The following PRMT7 variants were observed in gnomAD, a reference collection of about 807,000 sequenced individuals.
PRMT7 encodes the protein protein arginine methyltransferase 7, also known as protein arginine N-methyltransferase 7.
In PRMT7, 75 loss-of-function variants were observed where a neutral mutation model predicts 85.4. The observed-to-expected ratio is 0.88, with a 90% CI of 0.73 to 1.06. PRMT7 has a LOEUF of 1.06. Ranked by LOEUF, PRMT7 falls within the 50% of genes least tolerant of loss-of-function variation. PRMT7 has a pLI of 0.00. For synonymous variants in PRMT7, 397 were observed against 359.5 expected, an observed-to-expected ratio of 1.10 and a Z score of -1.18; for missense variants, 868 against 915.2, an observed-to-expected ratio of 0.95 and a Z score of 0.67.
intron 3 of PRMT7, among the ~76,000 whole-genome samples, chr16:68,319,741 T>TGTGTGTGTGTGTG (rs6145875): frequency 2.1e-4 from 32 of 151,080 alleles, no homozygotes; most frequent in South Asian, 4.2e-4. Context: ...TGTGTGTGTG[T>TGTGTGTGTGTGTG]TCTGGGACTC....
In PRMT7 at chr16:68,349,278, G is replaced by A. The variant is rs960863313; in HGVS notation, c.1413+847G>A. Among the ~76,000 whole-genome samples the A allele has an allele frequency of 5.3e-5, 8 of 151,918 alleles. No homozygotes were observed. The South Asian group carries it at 1.0e-3, about 20-fold the overall frequency. Reference sequence around the variant, plus strand: ...CCGTGGCACTCTCCCCGTGTCCCCCGCTTCCCCTACTGCATCCTCTCTGGT... The same window carrying A: ...CCGTGGCACTCTCCCCGTGTCCCCCACTTCCCCTACTGCATCCTCTCTGGT... On this transcript the variant is annotated intron_variant, in intron 14 of 18. Coordinates refer to ENST00000441236, the MANE Select transcript of PRMT7 (RefSeq NM_019023.5).
intron 4 of PRMT7, chr16:68,322,364 A>T (rs2082596186): frequency 2.2e-6 from 1 of 446,314 alleles, no homozygotes; most frequent in Non-Finnish European, 4.5e-6. Context: ...TGCCTGGCTA[A>T]TTTTTGTATG....
In PRMT7 at chr16:68,352,286, C is replaced by A; in HGVS notation, c.1452C>A (p.Ser484Arg). ...LLLGEPFFTTSLLPWHNLYFW... is the reference protein window; with the variant it reads ...LLLGEPFFTTRLLPWHNLYFW... ...TGGGCGAGCCGTTCTTCACTACCAG[C>A]CTGCTGCCGTGGCACAACCTCTACT... The change falls in exon 15 of 19, where the codon AGC becomes AGA. Residue 484 changes from serine (S) to arginine (R), a missense_variant. By Grantham distance (110) the Ser-to-Arg change is moderately radical. Coordinates refer to ENST00000441236, the MANE Select transcript of PRMT7 (RefSeq NM_019023.5). The A allele has an allele frequency of 6.2e-7, 1 of 1,613,766 alleles. No individual in the cohort carries two copies. The highest frequency in any genetic ancestry group is 8.5e-7 in the Non-Finnish European group (1 of 1,180,032).
intron 3 of PRMT7, chr16:68,316,846 C>G (rs549661583): frequency 6.6e-6 from 1 of 152,226 alleles, no homozygotes; most frequent in African/African-American, 2.4e-5. Context: ...GCTGTGGATA[C>G]CAGATGAAGA....
rs145524261 is a variant in PRMT7, at chr16:68,345,697, G to A, written c.950G>A (p.Cys317Tyr). 6 of 1,613,172 alleles carry A rather than the reference G, an allele frequency of 3.7e-6. No individual in the cohort carries two copies. Among genetic ancestry groups the A allele is most frequent in the African/African-American group, 1.3e-5 (1 of 74,944 alleles). Residue 317 changes from cysteine to tyrosine, a missense_variant, in exon 10 of 19, where the codon TGT becomes TAT. Cys to Tyr is a radical substitution (Grantham distance 194, BLOSUM62 -2). Coordinates refer to ENST00000441236, the MANE Select transcript of PRMT7 (RefSeq NM_019023.5). ...CAGTGGCGGGACCACTGGATGCAGT[G>A]TGTGTACTTCCTGCCACAAGAGGAG... ...EMQWRDHWMQ[C>Y]VYFLPQEEPV...
intron 4 of PRMT7, 39 bp from the exon 5 acceptor site, chr16:68,324,644 A>G (rs375615702): frequency 2.5e-5 from 40 of 1,609,530 alleles, no homozygotes; most frequent in Admixed American, 5.0e-5. Flanking sequence ...CCACTTACTT[A>G]TAATAACTGG....
At position 68,350,671 on chromosome 16, in the gene PRMT7, CATCACCACATCAGT is replaced by C. The variant is rs548854374; in HGVS notation, c.1414-1576_1414-1563del. 3.3e-4 allele frequency among the ~76,000 whole-genome samples: 51 copies of C among 152,306 alleles called. No individual in the cohort carries two copies. In the East Asian group the frequency reaches 9.6e-3, roughly 29 times the overall value. On this transcript the variant is annotated intron_variant, in intron 14 of 18. Coordinates refer to ENST00000441236, the MANE Select transcript of PRMT7 (RefSeq NM_019023.5). ...TTGTATATTCATAAGGTTGTGTAAC[CATCACCACATCAGT>C]TTAAGAACCCTTTCATTACCCATTG...
chr16:68,321,521 A>G (rs1417097080), intron 4 of PRMT7, 59 bp downstream of exon 4: 26 of 1,475,092 alleles, frequency 1.8e-5, no homozygotes, highest in Non-Finnish European at 2.4e-5. Flanking sequence ...TTGGATTACA[A>G]GAAGGTTAAG....
In PRMT7 at chr16:68,339,402, G is replaced by A. The variant is rs970427583; in HGVS notation, c.585G>A (p.Lys195=). Residue 195 remains lysine (K), a synonymous_variant, in exon 8 of 19, where the codon AAG becomes AAA. Transcript: ENST00000441236. ...VESGRMWSWN[K]LFPIHVQTSL... The stretch of plus-strand genomic sequence containing the variant: ...CCGGGAGGATGTGGTCGTGGAACAA[G>A]CTATTTCCCATCCACGTGCAGACCA... 2.5e-6 allele frequency: 4 copies of A among 1,614,102 alleles called. No homozygotes were observed. The African/African-American group carries it at 4.0e-5, about 16-fold the overall frequency.
Position 68,339,927 on chromosome 16 carries a change from A to C in PRMT7, c.886A>C (p.Met296Leu), listed in dbSNP as rs775458881. ...CCCTGAGGGGAAGATCAAGTGCACC[A>C]TGGCCCCCTTCTGGGCACACTCAGA... Reference protein sequence around the residue: ...MDPEGKIKCTMAPFWAHSDPE... With the variant: ...MDPEGKIKCTLAPFWAHSDPE... Residue 296 changes from methionine to leucine, a missense_variant, in exon 9 of 19, where the codon ATG (methionine) becomes CTG (leucine). Physicochemically the swap from Met to Leu is conservative, Grantham distance 15. Coordinates refer to ENST00000441236, the MANE Select transcript of PRMT7 (RefSeq NM_019023.5). 10 of 1,614,138 alleles carry C rather than the reference A, an allele frequency of 6.2e-6. No individual in the cohort carries two copies. The highest frequency in any genetic ancestry group is 8.5e-6 in the Non-Finnish European group (10 of 1,180,008).
At chr16:68,321,325 G>A in intron 3 of PRMT7, 101 bp from the exon 4 acceptor site, 1 of 868,496 alleles carries the variant, frequency 1.2e-6, no homozygotes, top group South Asian at 1.9e-5. Flanking sequence ...TAAAATAGAT[G>A]ACACGTTTGT....
intron 4 of PRMT7, 79 bp downstream of exon 4, chr16:68,321,541 G>A: frequency 7.3e-7 from 1 of 1,365,578 alleles, no homozygotes; most frequent in African/African-American, 1.5e-5. Flanking sequence ...GAATCCCTGG[G>A]GGTCATGATG....
At chr16:68,351,323 C>T (rs1196330790) in intron 14 of PRMT7, 2 of 152,260 alleles carry the variant, frequency 1.3e-5, no homozygotes, top group African/African-American at 4.8e-5. Context: ...CCACTCCTTC[C>T]ACTCCTCCCA....
chr16:68,324,463 TAGA>T, intron 4 of PRMT7: 1 of 581,076 alleles, frequency 1.7e-6, no homozygotes, highest in Non-Finnish European at 3.1e-6. Flanking sequence ...TAGTAGAGGA[TAGA>T]AGAGTGAGTG....
chr16:68,332,850 CCTT>C (rs1382051043), intron 6 of PRMT7, among the ~76,000 whole-genome samples: 7 of 152,146 alleles, frequency 4.6e-5, no homozygotes, highest in Non-Finnish European at 2.9e-5. Context: ...GGTTTGTTTC[CCTT>C]CTTAGGGAGC....
chr16:68,318,285 C>T (rs1018703163), intron 3 of PRMT7, among the ~76,000 whole-genome samples: 15 of 150,968 alleles, frequency 9.9e-5, no homozygotes, highest in Non-Finnish European at 1.5e-4. Flanking sequence ...CTGCAAGCTC[C>T]GCCTCCTGGG....
At chr16:68,348,254 C>A in intron 13 of PRMT7, 88 bp from the exon 14 acceptor site, 1 of 1,103,726 alleles carries the variant, frequency 9.1e-7, no homozygotes. Flanking sequence ...AAATTCAAAG[C>A]GGAGAATGCA....
At chr16:68,350,934 G>A (rs56220628) in intron 14 of PRMT7, among the ~76,000 whole-genome samples, 25,712 of 152,236 alleles carry the variant, frequency 0.17, 2,694 homozygotes, top group African/African-American at 0.28. Context: ...ATTCCATTGT[G>A]TGGATAGACC....
intron 3 of PRMT7, among the ~76,000 whole-genome samples, chr16:68,320,957 A>C (rs913369962): frequency 2.6e-5 from 4 of 152,044 alleles, no homozygotes; most frequent in Non-Finnish European, 5.9e-5. Flanking sequence ...ACATAACGAG[A>C]CCCTGTTTCT....
Sources: allele counts gnomAD v4.1 joint callset (sites outside exome capture counted in the v4.1 genomes callset), GRCh38; gene constraint gnomAD v4.1.1; transcripts MANE v1.5; gene names NCBI Gene and HGNC (gene_info 2026-07-23, HGNC 2026-07-21).